FGF14: variants seen among roughly 807,000 people sequenced by gnomAD.
FGF14 encodes fibroblast growth factor homologous factor 4.
FGF14 carries 5 observed loss-of-function variants against 25.5 expected under a neutral mutation model. That is an observed-to-expected ratio of 0.20 (90% CI 0.10 to 0.41). FGF14 has a LOEUF of 0.41. FGF14 is among the 10% of genes least tolerant of loss of function. The probability of loss-of-function intolerance (pLI) is 1.00; values close to 1 mark genes in which losing one functional copy is unlikely to be tolerated. For missense variants in FGF14, 222 were observed against 320.1 expected (o/e 0.69, Z 2.34); for synonymous variants, 138 against 118.3 (o/e 1.17, Z -1.08).
chr13:101,766,649 A>G (rs533254075), intron 3 of FGF14, among the ~76,000 whole-genome samples: 5 of 152,178 alleles, frequency 3.3e-5, no homozygotes, highest in African/African-American at 1.2e-4. Flanking sequence ...TGGAACTCTG[A>G]ATATGACTTT....
intron 1 of FGF14, among the ~76,000 whole-genome samples, chr13:102,311,499 A>G (rs1433242724): frequency 6.6e-6 from 1 of 152,174 alleles, no homozygotes; most frequent in African/African-American, 2.4e-5. Flanking sequence ...CCGATTTAAA[A>G]GTCACCTCAT....
intron 1 of FGF14, among the ~76,000 whole-genome samples, chr13:101,880,645 G>A (rs2045654064): frequency 6.6e-6 from 1 of 152,156 alleles, no homozygotes; most frequent in Admixed American, 6.5e-5. Context: ...GCTGTTTATT[G>A]AGGAGAGGAA....
chr13:101,838,930 G>A (rs897953626), intron 3 of FGF14, among the ~76,000 whole-genome samples: 1 of 152,024 alleles, frequency 6.6e-6, no homozygotes, highest in Non-Finnish European at 1.5e-5. Flanking sequence ...GCTATAAGTA[G>A]AGGAAGCCAG....
intron 1 of FGF14, among the ~76,000 whole-genome samples, chr13:101,908,119 T>A (rs370614556): frequency 6.6e-6 from 1 of 152,058 alleles, no homozygotes; most frequent in Non-Finnish European, 1.5e-5. Flanking sequence ...AGAAATATGA[T>A]CCAGTTAAGT....
At chr13:102,384,892 TAAAC>T (rs2058265473) in intron 1 of FGF14, among the ~76,000 whole-genome samples, 2 of 152,060 alleles carry the variant, frequency 1.3e-5, no homozygotes, top group African/African-American at 4.8e-5. Flanking sequence ...ACAAACAAAA[TAAAC>T]AAAAAATAAT....
chr13:101,748,738 G>A (rs1411840220), intron 3 of FGF14, among the ~76,000 whole-genome samples: 4 of 109,986 alleles, frequency 3.6e-5, no homozygotes, highest in African/African-American at 1.3e-4. Flanking sequence ...AAAAGAGTAT[G>A]GAGGTTTCTA....
intron 1 of FGF14, among the ~76,000 whole-genome samples, chr13:102,019,394 A>G (rs1019903153): frequency 6.6e-6 from 1 of 152,060 alleles, no homozygotes; most frequent in African/African-American, 2.4e-5. Flanking sequence ...ACTAGTGAAG[A>G]CTTTCAGGGT....
At chr13:101,864,925 T>C (rs1243917388) in intron 3 of FGF14, among the ~76,000 whole-genome samples, 3 of 152,124 alleles carry the variant, frequency 2.0e-5, no homozygotes, top group Non-Finnish European at 4.4e-5. Context: ...ATAATTAACT[T>C]GAAGGATTCA....
At chr13:102,316,273 T>C (rs980773113) in intron 1 of FGF14, among the ~76,000 whole-genome samples, 1 of 152,202 alleles carries the variant, frequency 6.6e-6, no homozygotes, top group African/African-American at 2.4e-5. Context: ...ATACAATCAG[T>C]TGTGGGACAT....
At chr13:101,777,322 G>C (rs145432589) in intron 3 of FGF14, among the ~76,000 whole-genome samples, 346 of 152,290 alleles carry the variant, frequency 2.3e-3, no homozygotes, top group African/African-American at 8.2e-3. Flanking sequence ...TAAGAAGGTT[G>C]TATTCTGTCA....
chr13:102,169,011 A>C (rs576463376), intron 1 of FGF14, among the ~76,000 whole-genome samples: 1 of 152,036 alleles, frequency 6.6e-6, no homozygotes, highest in South Asian at 2.1e-4. Flanking sequence ...CAGAGAAGAA[A>C]AAAAAAGAAC....
intron 1 of FGF14, among the ~76,000 whole-genome samples, chr13:102,088,761 GAC>G (rs2044038784): frequency 6.6e-6 from 1 of 151,898 alleles, no homozygotes; most frequent in Non-Finnish European, 1.5e-5. Flanking sequence ...AATTAAAAGA[GAC>G]ACATGTTTGT....
chr13:101,879,551 A>G (rs564480024), intron 1 of FGF14, among the ~76,000 whole-genome samples: 22 of 152,328 alleles, frequency 1.4e-4, no homozygotes, highest in Non-Finnish European at 1.8e-4. Context: ...TGGCGAAAGA[A>G]GAATCAGGAT....
At chr13:101,873,750 A>G (rs2045241193) in intron 2 of FGF14, among the ~76,000 whole-genome samples, 1 of 152,150 alleles carries the variant, frequency 6.6e-6, no homozygotes. Context: ...ATAATCTTTG[A>G]AAGTTCAAAC....
chr13:102,151,933 T>C (rs1428543163), intron 1 of FGF14, among the ~76,000 whole-genome samples: 4 of 152,318 alleles, frequency 2.6e-5, no homozygotes, highest in Non-Finnish European at 4.4e-5. Context: ...AGCTCAATTA[T>C]TCCCCACAAC....
chr13:102,209,513 AGACAGG>A (rs2050075913), intron 1 of FGF14, among the ~76,000 whole-genome samples: 2 of 152,364 alleles, frequency 1.3e-5, no homozygotes, highest in East Asian at 3.9e-4. Context: ...TGCACCAGCT[AGACAGG>A]GCTGTACACC....
chr13:102,244,483 A>T (rs2051760326), intron 1 of FGF14, among the ~76,000 whole-genome samples: 1 of 151,998 alleles, frequency 6.6e-6, no homozygotes, highest in Non-Finnish European at 1.5e-5. Flanking sequence ...AAACTTCCTT[A>T]AAATTATATT....
intron 1 of FGF14, among the ~76,000 whole-genome samples, chr13:102,370,622 A>G (rs2057851000): frequency 6.6e-6 from 1 of 152,140 alleles, no homozygotes; most frequent in Non-Finnish European, 1.5e-5. Flanking sequence ...TAATTTTGAT[A>G]AAATCATTAT....
intron 1 of FGF14, chr13:102,003,078 C>T (rs1478442931): frequency 6.6e-6 from 1 of 152,044 alleles, no homozygotes; most frequent in East Asian, 1.9e-4. Context: ...AACAGTCACG[C>T]TTGGAAAATT....
Sources: allele counts gnomAD v4.1 joint callset (sites outside exome capture counted in the v4.1 genomes callset), GRCh38; gene constraint gnomAD v4.1.1; transcripts MANE v1.5; gene names NCBI Gene and HGNC (gene_info 2026-07-23, HGNC 2026-07-21).